TGFB2: variants seen among roughly 807,000 people sequenced by gnomAD.
The protein encoded by TGFB2 is transforming growth factor beta 2.
TGFB2 carries 13 observed loss-of-function variants against 42.7 expected under a neutral mutation model. That is an observed-to-expected ratio of 0.30 (90% confidence interval 0.20 to 0.48). TGFB2 has a LOEUF of 0.48. Ranked by LOEUF, TGFB2 falls within the 20% of genes least tolerant of loss-of-function variation. The probability of loss-of-function intolerance (pLI) is 0.99; values close to 1 mark genes in which losing one functional copy is unlikely to be tolerated. For synonymous variants in TGFB2, 193 were observed against 193.6 expected (o/e 1.00, Z 0.03); for missense variants, 390 against 517.5 (o/e 0.75, Z 2.39).
At chr1:218,371,172 G>T (rs375075085) in intron 1 of TGFB2, among the ~76,000 whole-genome samples, 1 of 152,048 alleles carries the variant, frequency 6.6e-6, no homozygotes, top group Non-Finnish European at 1.5e-5. Flanking sequence ...AATGTGGCAC[G>T]TGCCTGTGGT....
At chr1:218,416,615 T>A (rs1318868053) in intron 2 of TGFB2, among the ~76,000 whole-genome samples, 1 of 152,240 alleles carries the variant, frequency 6.6e-6, no homozygotes, top group African/African-American at 2.4e-5. Context: ...CCCATGTCTC[T>A]GCTGTTACTA....
intron 2 of TGFB2, among the ~76,000 whole-genome samples, chr1:218,415,922 A>G (rs1659264138): frequency 6.6e-6 from 1 of 151,982 alleles, no homozygotes; most frequent in African/African-American, 2.4e-5. Context: ...TTTTCTTGTC[A>G]TCTTGAACAT....
chr1:218,377,091 G>A (rs1657766834), intron 1 of TGFB2, among the ~76,000 whole-genome samples: 1 of 151,416 alleles, frequency 6.6e-6, no homozygotes, highest in Admixed American at 6.6e-5. Context: ...TAGAGATGAG[G>A]TCTCACTTTG....
intron 2 of TGFB2, among the ~76,000 whole-genome samples, chr1:218,427,957 A>T (rs1188051494): frequency 6.6e-6 from 1 of 152,184 alleles, no homozygotes; most frequent in African/African-American, 2.4e-5. Context: ...CCAACAGTGT[A>T]AAAGTGTTCC....
intron 1 of TGFB2, among the ~76,000 whole-genome samples, chr1:218,358,064 CTATT>C (rs1386388488): frequency 6.6e-6 from 1 of 152,218 alleles, no homozygotes; most frequent in East Asian, 1.9e-4. Flanking sequence ...TTGCAAATAA[CTATT>C]CATTCATAAT....
intron 2 of TGFB2, among the ~76,000 whole-genome samples, chr1:218,410,419 C>T (rs897315933): frequency 2.6e-5 from 4 of 152,178 alleles, no homozygotes; most frequent in African/African-American, 9.7e-5. Flanking sequence ...TTTCATTACC[C>T]TCCCCTCTCT....
intron 2 of TGFB2, among the ~76,000 whole-genome samples, chr1:218,417,121 G>A (rs746484810): frequency 1.3e-5 from 2 of 152,310 alleles, no homozygotes; most frequent in Admixed American, 6.5e-5. Context: ...ACTGGGTAAC[G>A]AGCAGAGGTT....
chr1:218,346,490 T>A lies in TGFB2; in HGVS notation c.-212T>A. ...GCCCGTCCCGTATTAATATTTCCAC[T>A]TTTGGAACTACTGGCCTTTTCTTTT... is the stretch of plus-strand genomic sequence containing the variant. On this transcript the variant is annotated 5_prime_UTR_variant, in exon 1 of 7. Coordinates refer to ENST00000366930, the MANE Select transcript of TGFB2 (RefSeq NM_003238.6). The surrounding 1 kb of genome is among the most constrained non-coding windows in gnomAD (Gnocchi z 4.9). 1 of 506,958 alleles carries A rather than the reference T, an allele frequency of 2.0e-6. No individual in the cohort carries two copies. The highest frequency in any genetic ancestry group is 3.4e-6 in the Non-Finnish European group (1 of 294,464). 31.4% of individuals were successfully genotyped at this position (506,958 alleles called of 1,614,324 possible).
chr1:218,396,922 C>T (rs1380308087), intron 1 of TGFB2, among the ~76,000 whole-genome samples: 4 of 152,210 alleles, frequency 2.6e-5, no homozygotes, highest in Admixed American at 6.5e-5. Context: ...TAGAACTCTT[C>T]CTCTTTTCTC....
At chr1:218,361,261 CAGCACCAGA>C (rs1252318949) in intron 1 of TGFB2, among the ~76,000 whole-genome samples, 4 of 152,224 alleles carry the variant, frequency 2.6e-5, no homozygotes, top group Non-Finnish European at 5.9e-5. Context: ...GGCATTGGAT[CAGCACCAGA>C]GCTCCCTGTC....
At chr1:218,404,781 A>G (rs1370860955) in intron 1 of TGFB2, among the ~76,000 whole-genome samples, 1 of 152,202 alleles carries the variant, frequency 6.6e-6, no homozygotes, top group African/African-American at 2.4e-5. Context: ...GGCCATTAGG[A>G]ACTATTTTCT....
At chr1:218,367,035 C>G (rs1657408260) in intron 1 of TGFB2, among the ~76,000 whole-genome samples, 1 of 152,268 alleles carries the variant, frequency 6.6e-6, no homozygotes, top group Admixed American at 6.5e-5. Flanking sequence ...CACTGTTCAT[C>G]ACAGAGGAGA....
At chr1:218,420,113 CA>C (rs1247064065) in intron 2 of TGFB2, among the ~76,000 whole-genome samples, 1 of 152,060 alleles carries the variant, frequency 6.6e-6, no homozygotes, top group African/African-American at 2.4e-5. Flanking sequence ...AGGGGGAGGT[CA>C]AATAAAAAAT....
At chr1:218,355,494 T>G (rs541359703) in intron 1 of TGFB2, among the ~76,000 whole-genome samples, 5 of 152,352 alleles carry the variant, frequency 3.3e-5, no homozygotes, top group Non-Finnish European at 5.9e-5. Flanking sequence ...GGTTAGCAAC[T>G]TGGCTCTCTC....
chr1:218,386,440 C>G (rs1658140605), intron 1 of TGFB2, among the ~76,000 whole-genome samples: 1 of 152,206 alleles, frequency 6.6e-6, no homozygotes, highest in Non-Finnish European at 1.5e-5. Context: ...AATGTAGGCA[C>G]TGCTCCTAGA....
At chr1:218,437,038 C>G (rs1197863682) in intron 5 of TGFB2, among the ~76,000 whole-genome samples, 1 of 152,196 alleles carries the variant, frequency 6.6e-6, no homozygotes, top group African/African-American at 2.4e-5. Flanking sequence ...CCCAGCCACT[C>G]TCTGCTTATA....
Position 218,442,398 on chromosome 1 carries a change from C to CA in TGFB2, c.*1037dup, listed in dbSNP as rs1439521180. 1 of 152,094 alleles carries CA rather than the reference C, an allele frequency of 6.6e-6. No individual in the cohort carries two copies. Among genetic ancestry groups the CA allele is most frequent in the Non-Finnish European group, 1.5e-5 (1 of 67,992 alleles). 9.4% of individuals were successfully genotyped at this position (152,094 alleles called of 1,614,324 possible). A position where few individuals can be genotyped will look rare whatever the true frequency, so the allele number is the denominator to read the frequency against. On this transcript the variant is annotated 3_prime_UTR_variant, in exon 7 of 7. Transcript: ENST00000366930. ...TCTTTTGCAAACTATTAAATCAAAA[C>CA]ATTAACTACTTTATGTGTAATGTGT... is the stretch of plus-strand genomic sequence containing the variant.
chr1:218,394,929 C>T (rs1010488110), intron 1 of TGFB2, among the ~76,000 whole-genome samples: 2 of 152,056 alleles, frequency 1.3e-5, no homozygotes, highest in Non-Finnish European at 2.9e-5. Context: ...TCCAACCACT[C>T]GGTGGGTTGC....
rs1307146009 is a variant in TGFB2 at position 218,345,488 on chromosome 1, G to C, written c.-1214G>C. The C allele has an allele frequency of 6.5e-6, 1 of 153,142 alleles. No individual in the cohort carries two copies. The highest frequency in any genetic ancestry group is 2.1e-4 in the South Asian group (1 of 4,846). The allele number at this position is 153,142 out of a possible 1,614,324, so 9.5% of individuals were successfully genotyped here. A position where few individuals can be genotyped will look rare whatever the true frequency, so the allele number is the denominator to read the frequency against. ...GTGAAAGAGGCAGGGGAGGGGGATG[G>C]AGAATATTAGCCTGACGGTCTAGGG... is the stretch of plus-strand genomic sequence containing the variant. On this transcript the variant is annotated 5_prime_UTR_variant, in exon 1 of 7. Transcript: ENST00000366930.
Sources: allele counts gnomAD v4.1 joint callset (sites outside exome capture counted in the v4.1 genomes callset), GRCh38; gene constraint gnomAD v4.1.1; non-coding constraint Gnocchi (gnomAD v3.1); transcripts MANE v1.5; gene names NCBI Gene and HGNC (gene_info 2026-07-23, HGNC 2026-07-21).